PRKG1: variants seen among roughly 807,000 people sequenced by gnomAD.
PRKG1 encodes protein kinase cGMP-dependent 1, also known as cGMP-dependent protein kinase 1.
In PRKG1, 35 loss-of-function variants were observed where a neutral mutation model predicts 88.1. The observed-to-expected ratio is 0.40, with a 90% CI of 0.30 to 0.53. PRKG1 has a LOEUF of 0.53. PRKG1 is among the 20% of genes least tolerant of loss of function. PRKG1 has a pLI of 0.59. For missense variants in PRKG1, 540 were observed against 839.8 expected (o/e 0.64, Z 4.41); for synonymous variants, 303 against 292.5 (o/e 1.04, Z -0.37).
chr10:51,886,920 A>G (rs1361966224), intron 4 of PRKG1, among the ~76,000 whole-genome samples: 2 of 152,086 alleles, frequency 1.3e-5, no homozygotes, highest in East Asian at 1.9e-4. Context: ...TGTATTTTCC[A>G]TCTGTATTTT....
At chr10:51,881,222 C>A (rs1841430789) in intron 4 of PRKG1, among the ~76,000 whole-genome samples, 1 of 152,162 alleles carries the variant, frequency 6.6e-6, no homozygotes, top group Admixed American at 6.5e-5. Flanking sequence ...GAAGATCATA[C>A]ATGGCCTCAA....
intron 1 of PRKG1, among the ~76,000 whole-genome samples, chr10:51,113,334 T>C (rs538842969): frequency 6.6e-6 from 1 of 152,312 alleles, no homozygotes; most frequent in South Asian, 2.1e-4. Flanking sequence ...TTTTTATGCC[T>C]TTCTGTTCCT....
intron 3 of PRKG1, among the ~76,000 whole-genome samples, chr10:51,660,970 G>A (rs904811045): frequency 6.6e-6 from 1 of 151,982 alleles, no homozygotes. Flanking sequence ...TTTTAAATTG[G>A]AACATAAATC....
intron 2 of PRKG1, chr10:51,299,589 A>G (rs113212828): frequency 3.6e-4 from 170 of 472,544 alleles, no homozygotes; most frequent in African/African-American, 3.2e-3. Context: ...GCTTGGTTCT[A>G]AATCCCATGG....
intron 2 of PRKG1, among the ~76,000 whole-genome samples, chr10:51,182,662 A>G (rs552357047): frequency 8.1e-4 from 124 of 152,254 alleles, no homozygotes; most frequent in Middle Eastern, 3.4e-3. Flanking sequence ...ATAGATCTAG[A>G]CAGGTAATGG....
chr10:51,717,344 T>C (rs1416431607), intron 3 of PRKG1, among the ~76,000 whole-genome samples: 2 of 152,130 alleles, frequency 1.3e-5, no homozygotes, highest in Non-Finnish European at 2.9e-5. Flanking sequence ...TGGCAACTGA[T>C]TGGGAGACCA....
chr10:51,164,176 G>A lies in PRKG1; in HGVS notation c.478+10846G>A, dbSNP rs531308391. 1.6e-4 allele frequency among the ~76,000 whole-genome samples: 24 copies of A among 152,296 alleles called. No homozygotes were observed. In the South Asian group the frequency reaches 4.4e-3, roughly 28 times the overall value. ...TAGGGGCAGACTGACACCTCACATG[G>A]CTGGGTACTTCTCTGAGACAGAACT... is the stretch of plus-strand genomic sequence containing the variant. On this transcript the variant is annotated intron_variant, in intron 2 of 17. Transcript: ENST00000373980.
intron 2 of PRKG1, among the ~76,000 whole-genome samples, chr10:51,271,048 T>G (rs1377095161): frequency 6.6e-6 from 1 of 152,176 alleles, no homozygotes; most frequent in Non-Finnish European, 1.5e-5. Flanking sequence ...CTTGAGTCAT[T>G]CAACTCATTT....
intron 5 of PRKG1, among the ~76,000 whole-genome samples, chr10:52,053,151 G>T (rs999665064): frequency 7.9e-5 from 12 of 152,076 alleles, no homozygotes; most frequent in Admixed American, 7.9e-4. Context: ...TAAAAGCATG[G>T]AAAGAAAGTC....
At chr10:51,704,242 C>CAGAT (rs570192025) in intron 3 of PRKG1, among the ~76,000 whole-genome samples, 7,945 of 150,770 alleles carry the variant, frequency 0.053, 299 homozygotes, top group African/African-American at 0.09. Flanking sequence ...GATAGACAGA[C>CAGAT]AGACAGACAG....
At chr10:51,244,308 C>CTT (rs76339310) in intron 2 of PRKG1, among the ~76,000 whole-genome samples, 7,385 of 136,602 alleles carry the variant, frequency 0.054, 208 homozygotes, top group South Asian at 0.078. Flanking sequence ...CCCTTTCTTC[C>CTT]TTTTTTTTTT....
chr10:51,876,685 G>A (rs888557122), intron 4 of PRKG1, among the ~76,000 whole-genome samples: 6 of 152,168 alleles, frequency 3.9e-5, no homozygotes, highest in African/African-American at 1.4e-4. Context: ...GCACCTGCAA[G>A]TGTTTGCTTG....
chr10:51,761,869 T>A (rs1285399742), intron 3 of PRKG1, among the ~76,000 whole-genome samples: 4 of 152,232 alleles, frequency 2.6e-5, no homozygotes, highest in Non-Finnish European at 5.9e-5. Flanking sequence ...AGAATTCAAA[T>A]AGTATTAAAC....
At chr10:51,861,662 A>G (rs1286378902) in intron 4 of PRKG1, among the ~76,000 whole-genome samples, 1 of 152,254 alleles carries the variant, frequency 6.6e-6, no homozygotes, top group Non-Finnish European at 1.5e-5. Flanking sequence ...GTAACAGAAC[A>G]TATACTTCTT....
Position 51,231,386 on chromosome 10 carries a change from T to C in PRKG1, c.478+78056T>C, listed in dbSNP as rs74133546. Among the ~76,000 whole-genome samples the C allele has an allele frequency of 3.9e-3, 593 of 152,260 alleles. 8 individuals are homozygous for C. The highest frequency in any genetic ancestry group is 0.012 in the African/African-American group (517 of 41,546). On this transcript the variant is annotated intron_variant, in intron 2 of 17. Coordinates refer to ENST00000373980, the MANE Select transcript of PRKG1 (RefSeq NM_006258.4). The stretch of plus-strand genomic sequence containing the variant: ...ATTCATGCAATATTCAGGGTGTATA[T>C]TGCCATGTCAGAGTGAGCAGCCAAA...
chr10:51,293,997 G>T (rs1206922865), intron 2 of PRKG1, among the ~76,000 whole-genome samples: 1 of 152,006 alleles, frequency 6.6e-6, no homozygotes, highest in Non-Finnish European at 1.5e-5. Context: ...TTTTCATATG[G>T]CTGTTGGACA....
rs182312722 is a variant in PRKG1 at position 51,661,909 on chromosome 10, G to A, written c.593-142676G>A. 2.6e-5 allele frequency among the ~76,000 whole-genome samples: 4 copies of A among 152,190 alleles called. No homozygotes were observed. The East Asian group carries it at 7.7e-4, about 29-fold the overall frequency. The stretch of plus-strand genomic sequence containing the variant: ...GAATACTATGCAGTCATAAAAGGAT[G>A]AGTTCACATCCTTTGTAGGGACATG... On this transcript the variant is annotated intron_variant, in intron 3 of 17. Coordinates refer to ENST00000373980, the MANE Select transcript of PRKG1 (RefSeq NM_006258.4).
At chr10:51,526,093 T>G (rs1841877330) in intron 3 of PRKG1, among the ~76,000 whole-genome samples, 1 of 152,184 alleles carries the variant, frequency 6.6e-6, no homozygotes, top group South Asian at 2.1e-4. Flanking sequence ...GTGCTAGGAT[T>G]ACAGGTGTGA....
rs530928187 is a variant in PRKG1 at position 51,038,470 on chromosome 10, A to T, written c.266+46826A>T. 2.0e-5 allele frequency among the ~76,000 whole-genome samples: 3 copies of T among 152,242 alleles called. No homozygotes were observed. The South Asian group carries it at 6.2e-4, about 32-fold the overall frequency. On this transcript the variant is annotated intron_variant, in intron 1 of 17. Coordinates refer to the PRKG1 transcript ENST00000401604. ...TACCCATTAACCATCCCCATTTCTTACCCATCTCCCAAGCCCCTCCTCAGT... is the reference window on the plus strand; with the variant it reads ...TACCCATTAACCATCCCCATTTCTTTCCCATCTCCCAAGCCCCTCCTCAGT...
Sources: gnomAD v4.1 joint callset for allele counts (sites outside exome capture counted in the v4.1 genomes callset) on GRCh38, gnomAD v4.1.1 for gene constraint, MANE v1.5 for transcripts, NCBI Gene and HGNC (gene_info 2026-07-23, HGNC 2026-07-21) for gene names.